Variants in TRMU observed in about 807,000 individuals in gnomAD.
TRMU encodes the protein mitochondrial tRNA-specific 2-thiouridylase 1.
TRMU carries 49 observed loss-of-function variants against 46.9 expected under a neutral mutation model. That is an observed-to-expected ratio of 1.05 (90% CI 0.83 to 1.33). TRMU has a LOEUF of 1.33. Ranked by LOEUF, TRMU falls within the 40% of genes most tolerant of loss-of-function variation. The pLI is 0.00. For synonymous variants in TRMU, 241 were observed against 200.9 expected, an observed-to-expected ratio of 1.20 and a Z score of -1.69; for missense variants, 572 against 532.4, an observed-to-expected ratio of 1.07 and a Z score of -0.73.
Position 46,339,743 on chromosome 22 carries a change from GCTTGAATATGAACCCT to G in TRMU, c.248+1802_248+1817del, listed in dbSNP as rs1199425137. On this transcript the variant is annotated intron_variant, in intron 2 of 10. Coordinates refer to ENST00000645190, the MANE Select transcript of TRMU (RefSeq NM_018006.5). This position sits in a 1 kb window ranked among gnomAD's most constrained non-coding sequence, Gnocchi z 4.8. ...GGTCACCTAAATAATCAACGGAAGA[GCTTGAATATGAACCCT>G]CTGTGACTCTATGCTATAACATATG... 2.0e-5 allele frequency among the ~76,000 whole-genome samples: 3 copies of G among 152,150 alleles called. No individual in the cohort carries two copies. The highest frequency in any genetic ancestry group is 2.1e-4 in the South Asian group (1 of 4,834).
intron 7 of TRMU, 41 bp downstream of exon 7, chr22:46,352,371 G>C (rs780965880): frequency 1.9e-6 from 3 of 1,606,950 alleles, no homozygotes; most frequent in Admixed American, 3.3e-5. Context: ...GAAATGCCTA[G>C]AGCTGTGGCG....
chr22:46,343,628 G>T (rs985318591), intron 3 of TRMU, among the ~76,000 whole-genome samples: 1 of 152,038 alleles, frequency 6.6e-6, no homozygotes, highest in South Asian at 2.1e-4. Flanking sequence ...CTCCTGCCTC[G>T]GCCTTCCAAA....
chr22:46,336,261 T>TG lies in TRMU; in HGVS notation c.82+418dup. 21 of 558,132 alleles carry TG rather than the reference T, an allele frequency of 3.8e-5. No homozygotes were observed. The highest frequency in any genetic ancestry group is 4.9e-5 in the Non-Finnish European group (21 of 424,696). 34.6% of individuals were successfully genotyped at this position (558,132 alleles called of 1,614,324 possible). A position where few individuals can be genotyped will look rare whatever the true frequency, so the allele number is the denominator to read the frequency against. ...CTCTGCACACGCTGTGGCCGCCCGG[T>TG]GGGAGGTCCTTGTCCTCCCCACTCA... On this transcript the variant is annotated intron_variant, in intron 1 of 10. Coordinates refer to ENST00000645190, the MANE Select transcript of TRMU (RefSeq NM_018006.5). This position sits in a 1 kb window ranked among gnomAD's most constrained non-coding sequence, Gnocchi z 4.1.
rs2147855208 is a variant in TRMU, at chr22:46,338,528, G to A, written c.248+584G>A. Among the ~76,000 whole-genome samples, 1 of 152,368 alleles carries A rather than the reference G, an allele frequency of 6.6e-6. No individual in the cohort carries two copies. The highest frequency in any genetic ancestry group is 2.1e-4 in the South Asian group (1 of 4,830). ...TCACAAGAGGTGACAGTGATGCGTG[G>A]CACGCAGGAAGTACCAGTGATGCTA... On this transcript the variant is annotated intron_variant, in intron 2 of 10. Coordinates refer to ENST00000645190, the MANE Select transcript of TRMU (RefSeq NM_018006.5). The surrounding 1 kb of genome is among the most constrained non-coding windows in gnomAD (Gnocchi z 4.5).
At chr22:46,345,942 A>G (rs1212118705) in intron 3 of TRMU, among the ~76,000 whole-genome samples, 1 of 151,344 alleles carries the variant, frequency 6.6e-6, no homozygotes, top group Non-Finnish European at 1.5e-5. Flanking sequence ...TAATTTTTGT[A>G]TTTTTTGTAA....
Position 46,355,604 on chromosome 22 carries a change from GCTC to G in TRMU, c.1018+19_1018+21del, listed in dbSNP as rs767224539. On this transcript the variant is annotated intron_variant, in intron 9 of 10. Coordinates refer to ENST00000645190, the MANE Select transcript of TRMU (RefSeq NM_018006.5). ...ATGGCACTAGGTGACTGACGGGAGG[GCTC>G]CTGAGGACGGGCCCCTTGAAGCTGA... is the stretch of plus-strand genomic sequence containing the variant. The G allele has an allele frequency of 8.7e-6, 14 of 1,613,260 alleles. No individual in the cohort carries two copies. The East Asian group carries it at 3.1e-4, about 36-fold the overall frequency.
At position 46,349,672 on chromosome 22, in the gene TRMU, T is replaced by C. The variant is rs1206671311; in HGVS notation, c.479-619T>C. On this transcript the variant is annotated intron_variant, in intron 4 of 10. Coordinates refer to ENST00000645190, the MANE Select transcript of TRMU (RefSeq NM_018006.5). This position sits in a 1 kb window ranked among gnomAD's most constrained non-coding sequence, Gnocchi z 4.6. ...TGCTCCGTTGCCTTAAAGCCAGAAA[T>C]GGTTCTTTACAATCACATAGGGAAT... 1.3e-5 allele frequency among the ~76,000 whole-genome samples: 2 copies of C among 152,192 alleles called. No homozygotes were observed. The highest frequency in any genetic ancestry group is 2.9e-5 in the Non-Finnish European group (2 of 68,030).
In TRMU at chr22:46,343,308, A is replaced by G. The variant is rs759555382; in HGVS notation, c.295A>G (p.Ile99Val). The change falls in exon 3 of 11, where the codon ATA (isoleucine) becomes GTA (valine). Residue 99 changes from isoleucine (I) to valine (V), a missense_variant. By Grantham distance (29) the Ile-to-Val change is conservative. Transcript: ENST00000645190. ...AAAAGGAAGGACTCCCAATCCTGAC[A>G]TAGTTTGCAACAAGCACATCAAATT... ...YEKGRTPNPDIVCNKHIKFSC... is the reference protein window; with the variant it reads ...YEKGRTPNPDVVCNKHIKFSC... The G allele has an allele frequency of 6.2e-6, 10 of 1,613,990 alleles. No homozygotes were observed. Among genetic ancestry groups the G allele is most frequent in the African/African-American group, 1.3e-5 (1 of 74,908 alleles).
intron 10 of TRMU, 106 bp from the exon 11 acceptor site, chr22:46,356,736 C>T (rs1013694539): frequency 7.8e-5 from 108 of 1,379,976 alleles, no homozygotes; most frequent in Middle Eastern, 4.8e-4. Flanking sequence ...AGCTCAGTGC[C>T]TGGTGCTCCG....
rs1601939305 is a variant in TRMU at position 46,339,351 on chromosome 22, T to C, written c.248+1407T>C. Among the ~76,000 whole-genome samples the C allele has an allele frequency of 2.0e-5, 3 of 152,332 alleles. No homozygotes were observed. The highest frequency in any genetic ancestry group is 2.4e-5 in the African/African-American group (1 of 41,580). ...TTTTAGTAGAGACAGGGTTTCGCCATGTTGGCCGGGCTAGTCTCAGACTCC... is the reference window on the plus strand; with the variant it reads ...TTTTAGTAGAGACAGGGTTTCGCCACGTTGGCCGGGCTAGTCTCAGACTCC... On this transcript the variant is annotated intron_variant, in intron 2 of 10. Coordinates refer to ENST00000645190, the MANE Select transcript of TRMU (RefSeq NM_018006.5). This position sits in a 1 kb window ranked among gnomAD's most constrained non-coding sequence, Gnocchi z 4.8.
In TRMU at chr22:46,353,903, G is replaced by C. The variant is rs776877416; in HGVS notation, c.873+36G>C. The C allele has an allele frequency of 1.9e-6, 3 of 1,599,524 alleles. No individual in the cohort carries two copies. The Admixed American group carries it at 5.0e-5, about 27-fold the overall frequency. ...CGGCCTCTGAGACAGCACTGGGGCT[G>C]GTTCTGGCAGGGCCAGCAGTGCTTC... On this transcript the variant is annotated intron_variant, in intron 8 of 10. Transcript: ENST00000645190.
intron 7 of TRMU, 123 bp downstream of exon 7, chr22:46,352,453 T>G (rs2147096680): frequency 7.9e-7 from 1 of 1,264,904 alleles, no homozygotes. Context: ...TAGAAGGCTC[T>G]GTGGGGCGGC....
chr22:46,356,130 G>A (rs1490804937), intron 10 of TRMU, 58 bp downstream of exon 10: 1 of 1,591,324 alleles, frequency 6.3e-7, no homozygotes, highest in Admixed American at 1.7e-5. Context: ...ACCCTGCCAG[G>A]GCACCCGGGT....
intron 10 of TRMU, 47 bp from the exon 11 acceptor site, chr22:46,356,795 G>T (rs774561432): frequency 1.9e-6 from 3 of 1,609,062 alleles, no homozygotes; most frequent in African/African-American, 1.3e-5. Context: ...GCCTGCCCTC[G>T]GCTGGCTCCC....
rs1465101920 is a variant in TRMU at position 46,351,542 on chromosome 22, CCTCTT to C, written c.652-578_652-574del. On this transcript the variant is annotated intron_variant, in intron 5 of 10. Coordinates refer to ENST00000645190, the MANE Select transcript of TRMU (RefSeq NM_018006.5). This position sits in a 1 kb window ranked among gnomAD's most constrained non-coding sequence, Gnocchi z 6.4. Reference sequence around the variant, plus strand: ...GCACGCCCACCGCCCGTCCTCCTCTCCTCTTGTTTTCCGTTTCCGGTGTCGCTCTG... The same window carrying C: ...GCACGCCCACCGCCCGTCCTCCTCTCGTTTTCCGTTTCCGGTGTCGCTCTG... The C allele has an allele frequency of 3.6e-5, 7 of 193,904 alleles. No individual in the cohort carries two copies. Among genetic ancestry groups the C allele is most frequent in the Admixed American group, 1.6e-4 (3 of 18,884 alleles). The allele number at this position is 193,904 out of a possible 1,614,324, so 12.0% of individuals were successfully genotyped here.
At position 46,356,408 on chromosome 22, in the gene TRMU, G is replaced by C; in HGVS notation, c.1101+336G>C. 9.1e-6 allele frequency: 4 copies of C among 439,464 alleles called. 1 individual carries two copies. The South Asian group carries it at 9.9e-5, about 11-fold the overall frequency. The allele number at this position is 439,464 out of a possible 1,614,324, so 27.2% of individuals were successfully genotyped here. A position where few individuals can be genotyped will look rare whatever the true frequency, so the allele number is the denominator to read the frequency against. On this transcript the variant is annotated intron_variant, in intron 10 of 10. Transcript: ENST00000645190. ...GAGGGTCGGGGCCCCTGTGGGCCGA[G>C]TGTGCAGGAGCTCCCAGGGTGGGCG... is the stretch of plus-strand genomic sequence containing the variant.
At position 46,348,013 on chromosome 22, in the gene TRMU, A is replaced by G. The variant is rs1282477894; in HGVS notation, c.478+1469A>G. ...GGTAACTGTACTGACTTGAGCCCAG[A>G]GAAGAGCAGCCCACTCCCGTAAGAC... On this transcript the variant is annotated intron_variant, in intron 4 of 10. Coordinates refer to ENST00000645190, the MANE Select transcript of TRMU (RefSeq NM_018006.5). The surrounding 1 kb of genome is among the most constrained non-coding windows in gnomAD (Gnocchi z 4.8). Among the ~76,000 whole-genome samples, 31 of 152,180 alleles carry G rather than the reference A, an allele frequency of 2.0e-4. No individual in the cohort carries two copies. Among genetic ancestry groups the G allele is most frequent in the Admixed American group, 2.0e-3 (31 of 15,276 alleles).
rs755309787 is a variant in TRMU, at chr22:46,335,806, C to T, written c.42C>T (p.Gly14=). 1 of 1,560,990 alleles carries T rather than the reference C, an allele frequency of 6.4e-7. No homozygotes were observed. The highest frequency in any genetic ancestry group is 8.6e-7 in the Non-Finnish European group (1 of 1,158,604). ...LRHVVCALSG[G]VDSAVAALLL... is the part of the protein sequence containing the mutation. Reference sequence around the variant, plus strand: ...ACGTCGTGTGCGCCCTGTCCGGCGGCGTGGACAGCGCCGTGGCCGCGCTGC... The same window carrying T: ...ACGTCGTGTGCGCCCTGTCCGGCGGTGTGGACAGCGCCGTGGCCGCGCTGC... The change falls in exon 1 of 11, where the codon GGC becomes GGT. Residue 14 remains glycine, a synonymous_variant. Transcript: ENST00000645190.
chr22:46,355,923 C>T, intron 9 of TRMU, 67 bp from the exon 10 acceptor site: 1 of 1,576,040 alleles, frequency 6.3e-7, no homozygotes, highest in South Asian at 1.1e-5. Context: ...GCTCCTTTCT[C>T]CCTGGGGGCC....
Sources: allele counts gnomAD v4.1 joint callset (sites outside exome capture counted in the v4.1 genomes callset), GRCh38; gene constraint gnomAD v4.1.1; non-coding constraint Gnocchi (gnomAD v3.1); transcripts MANE v1.5; gene names NCBI Gene and HGNC (gene_info 2026-07-23, HGNC 2026-07-21).